Variants in HRH2 observed in about 807,000 individuals in gnomAD.
HRH2 encodes the protein histamine H2 receptor.
In HRH2, 4 loss-of-function variants were observed where a neutral mutation model predicts 20.1. The observed-to-expected ratio is 0.20, with a 90% CI of 0.10 to 0.45. The LOEUF (loss-of-function observed/expected upper bound fraction) is 0.45. Among genes scored for constraint, HRH2 ranks in the 20% least tolerant of loss-of-function variants. The probability of loss-of-function intolerance (pLI) is 0.99; values close to 1 mark genes in which losing one functional copy is unlikely to be tolerated. For missense variants in HRH2, 250 were observed against 461.6 expected, an observed-to-expected ratio of 0.54 and a Z score of 4.20; for synonymous variants, 197 against 200.7, an observed-to-expected ratio of 0.98 and a Z score of 0.16.
chr5:175,686,956 C>T lies in HRH2; in HGVS notation c.1076+2647C>T, dbSNP rs1756192930. Reference sequence around the variant, plus strand: ...TGAGTGTCCATCTCCTGCTCTGATCCTCGTGGGCACCCTGGGTGGGAGGCT... The same window carrying T: ...TGAGTGTCCATCTCCTGCTCTGATCTTCGTGGGCACCCTGGGTGGGAGGCT... On this transcript the variant is annotated intron_variant, in intron 2 of 2. Transcript: ENST00000636584. This position sits in a 1 kb window ranked among gnomAD's most constrained non-coding sequence, Gnocchi z 4.7. 6.6e-6 allele frequency among the ~76,000 whole-genome samples: 1 copy of T among 152,246 alleles called. No individual in the cohort carries two copies. Among genetic ancestry groups the T allele is most frequent in the African/African-American group, 2.4e-5 (1 of 41,466 alleles).
intron 1 of HRH2, among the ~76,000 whole-genome samples, chr5:175,678,277 C>A (rs375318527): frequency 6.6e-6 from 1 of 152,196 alleles, no homozygotes; most frequent in Admixed American, 6.5e-5. Flanking sequence ...ATGTGTCATG[C>A]ACATGAATGC....
At chr5:175,702,860 C>A (rs185625711) in intron 2 of HRH2, among the ~76,000 whole-genome samples, 31 of 151,884 alleles carry the variant, frequency 2.0e-4, no homozygotes, top group South Asian at 1.5e-3. Context: ...AGCCACTGTG[C>A]CCAACCAAAT....
chr5:175,703,290 C>T (rs943133422), intron 2 of HRH2, among the ~76,000 whole-genome samples: 2 of 152,128 alleles, frequency 1.3e-5, no homozygotes, highest in Non-Finnish European at 2.9e-5. Context: ...CATAACAAAA[C>T]TCTTACATAG....
chr5:175,680,946 G>A (rs902868870), intron 1 of HRH2, among the ~76,000 whole-genome samples: 2 of 152,082 alleles, frequency 1.3e-5, no homozygotes, highest in African/African-American at 4.8e-5. Context: ...AGGGAAGGAG[G>A]GGCGGGAGAG....
chr5:175,676,529 G>A (rs1755768042), intron 1 of HRH2, among the ~76,000 whole-genome samples: 2 of 152,332 alleles, frequency 1.3e-5, no homozygotes, highest in Admixed American at 1.3e-4. Context: ...CCGGCTCCTG[G>A]GCAAAGGCAA....
chr5:175,676,934 G>T (rs1349366131), intron 1 of HRH2, among the ~76,000 whole-genome samples: 1 of 152,178 alleles, frequency 6.6e-6, no homozygotes, highest in Admixed American at 6.5e-5. Context: ...TGGCTGAATG[G>T]TATTCCATTT....
rs1007770356 is a variant in HRH2 at position 175,681,227 on chromosome 5, G to A, written c.-525-1482G>A. 6.6e-5 allele frequency among the ~76,000 whole-genome samples: 10 copies of A among 152,168 alleles called. No individual in the cohort carries two copies. Among genetic ancestry groups the A allele is most frequent in the African/African-American group, 1.4e-4 (6 of 41,430 alleles). On this transcript the variant is annotated intron_variant, in intron 1 of 2. Transcript: ENST00000636584. The surrounding 1 kb of genome is among the most constrained non-coding windows in gnomAD (Gnocchi z 4.3). ...AAAAGCTCTGCTAAAAATAGTACCC[G>A]GAGGTTCAGCTGCCAGGACTGGTGG... is the stretch of plus-strand genomic sequence containing the variant.
chr5:175,676,325 G>C (rs935401025), intron 1 of HRH2, among the ~76,000 whole-genome samples: 1 of 152,216 alleles, frequency 6.6e-6, no homozygotes, highest in Non-Finnish European at 1.5e-5. Flanking sequence ...ATCCACGCCC[G>C]CACGTGCACA....
intron 1 of HRH2, among the ~76,000 whole-genome samples, chr5:175,674,191 G>C (rs1755674004): frequency 1.3e-5 from 2 of 152,164 alleles, no homozygotes; most frequent in African/African-American, 4.8e-5. Flanking sequence ...ACAAATCAGT[G>C]CCGAGGCTGG....
intron 2 of HRH2, among the ~76,000 whole-genome samples, chr5:175,691,609 G>A (rs369176507): frequency 1.3e-5 from 2 of 152,180 alleles, no homozygotes; most frequent in African/African-American, 2.4e-5. Flanking sequence ...GCGGCTGGGC[G>A]TGGTGGCTCA....
intron 1 of HRH2, among the ~76,000 whole-genome samples, chr5:175,659,348 A>G (rs1762665946): frequency 6.6e-6 from 1 of 152,168 alleles, no homozygotes; most frequent in African/African-American, 2.4e-5. Flanking sequence ...ATCCAAGGCA[A>G]TTGGATAGAT....
At chr5:175,688,914 A>G (rs1216194953) in intron 2 of HRH2, among the ~76,000 whole-genome samples, 2 of 152,024 alleles carry the variant, frequency 1.3e-5, no homozygotes, top group African/African-American at 4.8e-5. Context: ...AAGGCAGGAG[A>G]TAATATTCAT....
In HRH2 at chr5:175,693,788, C is replaced by A. The variant is rs370643892; in HGVS notation, c.1076+9479C>A. On this transcript the variant is annotated intron_variant, in intron 2 of 2. Transcript: ENST00000636584. The surrounding 1 kb of genome is among the most constrained non-coding windows in gnomAD (Gnocchi z 4.4). ...TCATGGTGGTAAGAGGATGCACATGCTCTTGTTCTGCCCCGCTTTTGTTCC... is the reference window on the plus strand; with the variant it reads ...TCATGGTGGTAAGAGGATGCACATGATCTTGTTCTGCCCCGCTTTTGTTCC... Among the ~76,000 whole-genome samples the A allele has an allele frequency of 1.1e-4, 16 of 152,304 alleles. No homozygotes were observed. The East Asian group carries it at 3.1e-3, about 29-fold the overall frequency.
chr5:175,703,535 T>C (rs1756855275), intron 2 of HRH2, among the ~76,000 whole-genome samples: 1 of 151,044 alleles, frequency 6.6e-6, no homozygotes, highest in Admixed American at 6.6e-5. Context: ...CAAAATAAAC[T>C]CAAAGATAAT....
chr5:175,666,404 C>A (rs74448800), intron 1 of HRH2, among the ~76,000 whole-genome samples: 1 of 152,108 alleles, frequency 6.6e-6, no homozygotes, highest in South Asian at 2.1e-4. Context: ...GTTGATGTGA[C>A]TCACCCTTGA....
intron 2 of HRH2, among the ~76,000 whole-genome samples, chr5:175,689,614 C>A (rs191987025): frequency 8.5e-5 from 13 of 152,330 alleles, no homozygotes; most frequent in Non-Finnish European, 1.8e-4. Flanking sequence ...CTCAGAGATT[C>A]CTGCTTCCCC....
Position 175,665,869 on chromosome 5 carries a change from C to T in HRH2, c.-526+7714C>T, listed in dbSNP as rs1282932955. 5.9e-5 allele frequency among the ~76,000 whole-genome samples: 9 copies of T among 151,746 alleles called. No individual in the cohort carries two copies. The East Asian group carries it at 1.4e-3, about 23-fold the overall frequency. On this transcript the variant is annotated intron_variant, in intron 1 of 2. Transcript: ENST00000636584. Reference sequence around the variant, plus strand: ...TGCCAAGATCATAGATGGCAGCTGGCAGAGGACTTTTGCAGAGACCACAAG... The same window carrying T: ...TGCCAAGATCATAGATGGCAGCTGGTAGAGGACTTTTGCAGAGACCACAAG...
chr5:175,666,845 G>A (rs1762911335), intron 1 of HRH2, among the ~76,000 whole-genome samples: 1 of 151,848 alleles, frequency 6.6e-6, no homozygotes, highest in Non-Finnish European at 1.5e-5. Context: ...TTCCCTTTTT[G>A]AGTAGATAAG....
chr5:175,692,999 C>CTG (rs1465134127), intron 2 of HRH2, among the ~76,000 whole-genome samples: 1 of 152,190 alleles, frequency 6.6e-6, no homozygotes, highest in Non-Finnish European at 1.5e-5. Context: ...TAGGGCGGGA[C>CTG]TGCAGAGAGA....
Sources: allele counts gnomAD v4.1 joint callset (sites outside exome capture counted in the v4.1 genomes callset), GRCh38; gene constraint gnomAD v4.1.1; non-coding constraint Gnocchi (gnomAD v3.1); transcripts MANE v1.5; gene names NCBI Gene and HGNC (gene_info 2026-07-23, HGNC 2026-07-21).